The following GRIA3 variants were observed in gnomAD, a reference collection of about 807,000 sequenced individuals.
The protein encoded by GRIA3 is glutamate ionotropic receptor AMPA type subunit 3, also known as glutamate receptor 3.
GRIA3 carries 3 observed loss-of-function variants against 63.0 expected under a neutral mutation model. That is an observed-to-expected ratio of 0.05 (90% confidence interval 0.02 to 0.12). GRIA3 has a LOEUF of 0.12. GRIA3 is among the 10% of genes least tolerant of loss of function. The probability of loss-of-function intolerance (pLI) is 1.00; values close to 1 mark genes in which losing one functional copy is unlikely to be tolerated. For synonymous variants in GRIA3, 274 were observed against 257.9 expected (o/e 1.06, Z -0.60); for missense variants, 347 against 700.9 (o/e 0.50, Z 5.70).
intron 4 of GRIA3, among the ~76,000 whole-genome samples, chrX:123,328,555 T>C (rs1236876390): frequency 2.7e-5 from 3 of 112,260 alleles, no homozygotes; most frequent in Non-Finnish European, 5.6e-5. Flanking sequence ...ATGATTGTTT[T>C]CTCTGCCATT....
At chrX:123,204,483 A>T in intron 2 of GRIA3, 1 of 1,163,825 alleles carries the variant, frequency 8.6e-7, no homozygotes, top group Non-Finnish European at 1.1e-6. Context: ...CTGAGTGAGC[A>T]TCATGGAGGG....
At chrX:123,268,226 C>T (rs909511521) in intron 3 of GRIA3, among the ~76,000 whole-genome samples, 10 of 111,435 alleles carry the variant, frequency 9.0e-5, no homozygotes, top group African/African-American at 2.9e-4. Context: ...GGTTCCAACA[C>T]GCATACTACA....
intron 5 of GRIA3, among the ~76,000 whole-genome samples, chrX:123,359,173 T>C (rs185764344): frequency 3.3e-4 from 37 of 112,133 alleles, no homozygotes; most frequent in Non-Finnish European, 6.8e-4. Flanking sequence ...TTTTAACTTA[T>C]TAGTTTTGAA....
chrX:123,369,769 T>C (rs1228426884), intron 5 of GRIA3, among the ~76,000 whole-genome samples: 2 of 112,008 alleles, frequency 1.8e-5, no homozygotes, highest in African/African-American at 6.5e-5. Flanking sequence ...ATTTCTGCTA[T>C]GTTAGTTGTT....
chrX:123,198,735 T>C (rs1210317652), intron 2 of GRIA3, among the ~76,000 whole-genome samples: 1 of 112,309 alleles, frequency 8.9e-6, no homozygotes, highest in Admixed American at 9.4e-5. Flanking sequence ...AGTGGAATTG[T>C]CCAGAAGGAC....
chrX:123,213,659 C>CAA (rs1475412431), intron 2 of GRIA3, among the ~76,000 whole-genome samples: 1 of 111,948 alleles, frequency 8.9e-6, no homozygotes, highest in East Asian at 2.8e-4. Context: ...ATCCCAGTGT[C>CAA]GGTGCCAAGA....
intron 2 of GRIA3, among the ~76,000 whole-genome samples, chrX:123,192,662 C>T (rs1248711199): frequency 8.9e-6 from 1 of 111,833 alleles, no homozygotes; most frequent in African/African-American, 3.3e-5. Flanking sequence ...TCACTGGCTT[C>T]TTAAGCAATT....
At chrX:123,184,679 C>T in intron 1 of GRIA3, 35 bp downstream of exon 1, 1 of 993,808 alleles carries the variant, frequency 1.0e-6, no homozygotes, top group Non-Finnish European at 1.4e-6. Flanking sequence ...GGTCCAGGCT[C>T]TCCCTCACCC....
chrX:123,452,865 G>A (rs918800084), intron 12 of GRIA3, among the ~76,000 whole-genome samples: 3 of 111,148 alleles, frequency 2.7e-5, no homozygotes, highest in Non-Finnish European at 5.7e-5. Context: ...GTAGTGAAAG[G>A]GTGTGGCAGA....
chrX:123,226,596 G>A (rs1434144701), intron 2 of GRIA3, among the ~76,000 whole-genome samples: 1 of 111,330 alleles, frequency 9.0e-6, no homozygotes, highest in Non-Finnish European at 1.9e-5. Flanking sequence ...GACCAAACAT[G>A]CCCATAATAA....
chrX:123,418,068 A>G (rs2045545666), intron 11 of GRIA3: 2 of 278,539 alleles, frequency 7.2e-6, no homozygotes, highest in South Asian at 1.5e-4. Context: ...TATTCAGATA[A>G]AGTAAATACT....
chrX:123,399,321 T>C lies in GRIA3; in HGVS notation c.1080+518T>C, dbSNP rs943138669. On this transcript the variant is annotated intron_variant, in intron 7 of 15. Transcript: ENST00000620443. The stretch of plus-strand genomic sequence containing the variant: ...GTCAAAAAGAACACTCATGCTATTC[T>C]ACAGGATGAAATGCAGGAACATGAT... Among the ~76,000 whole-genome samples the C allele has an allele frequency of 2.7e-5, 3 of 112,045 alleles. No individual in the cohort carries two copies. The Admixed American group carries it at 2.8e-4, about 11-fold the overall frequency.
At chrX:123,393,957 G>C (rs1320646028) in intron 5 of GRIA3, among the ~76,000 whole-genome samples, 2 of 112,276 alleles carry the variant, frequency 1.8e-5, no homozygotes, top group Non-Finnish European at 3.8e-5. Flanking sequence ...CAATGGAGCT[G>C]GCAGAGCTCA....
chrX:123,282,905 C>A (rs748383190), intron 3 of GRIA3, among the ~76,000 whole-genome samples: 15 of 111,899 alleles, frequency 1.3e-4, no homozygotes, highest in African/African-American at 3.9e-4. Flanking sequence ...GACAATGTCT[C>A]AAAAAATATA....
intron 3 of GRIA3, among the ~76,000 whole-genome samples, chrX:123,292,325 T>C (rs1005889262): frequency 2.7e-5 from 3 of 111,745 alleles, no homozygotes; most frequent in African/African-American, 9.8e-5. Flanking sequence ...AAAGATGGGC[T>C]GCAGAATAGG....
At chrX:123,303,800 T>C (rs939252179) in intron 3 of GRIA3, among the ~76,000 whole-genome samples, 2 of 111,235 alleles carry the variant, frequency 1.8e-5, no homozygotes, top group African/African-American at 6.5e-5. Context: ...AGTGAAGATA[T>C]AGCATGTGTC....
chrX:123,210,484 T>C, intron 2 of GRIA3, among the ~76,000 whole-genome samples: 1 of 111,597 alleles, frequency 9.0e-6, no homozygotes, highest in Middle Eastern at 4.6e-3. Context: ...CCTCTGATTT[T>C]CCATCTAATT....
At position 123,482,864 on chromosome X, in the gene GRIA3, G is replaced by A. The variant is rs754571638; in HGVS notation, c.2505G>A (p.Leu835=). The change falls in exon 15 of 16, where the codon CTG becomes CTA. Residue 835 remains leucine (L), a synonymous_variant. Coordinates refer to ENST00000620443, the MANE Select transcript of GRIA3 (RefSeq NM_007325.5). ...AGVFYILVGG[L]GLAMMVALIE... is the part of the protein sequence containing the mutation. ...TTTTCTATATACTTGTCGGAGGTCTGGGGCTGGCCATGATGGTGGCTTTGA... is the reference window on the plus strand; with the variant it reads ...TTTTCTATATACTTGTCGGAGGTCTAGGGCTGGCCATGATGGTGGCTTTGA... 8.3e-7 allele frequency: 1 copy of A among 1,210,173 alleles called. No individual in the cohort carries two copies. The highest frequency in any genetic ancestry group is 2.2e-5 in the Admixed American group (1 of 46,029).
intron 13 of GRIA3, among the ~76,000 whole-genome samples, chrX:123,469,230 A>C (rs1315266899): frequency 9.0e-6 from 1 of 111,270 alleles, no homozygotes; most frequent in Non-Finnish European, 1.9e-5. Context: ...CCAACCTTTA[A>C]CTAATGATAA....
Sources: allele counts gnomAD v4.1 joint callset (sites outside exome capture counted in the v4.1 genomes callset), GRCh38; gene constraint gnomAD v4.1.1; transcripts MANE v1.5; gene names NCBI Gene and HGNC (gene_info 2026-07-23, HGNC 2026-07-21).